The following NXN variants were observed in gnomAD, a reference collection of about 807,000 sequenced individuals.
The protein encoded by NXN is nucleoredoxin, also known as nucleoredoxin 1.
NXN carries 16 observed loss-of-function variants against 48.6 expected under a neutral mutation model. The ratio of observed to expected loss-of-function variants is 0.33; its 90% CI spans 0.22 to 0.50. The LOEUF (loss-of-function observed/expected upper bound fraction) is 0.50. Ranked by LOEUF, NXN falls within the 20% of genes least tolerant of loss-of-function variation. The probability of loss-of-function intolerance (pLI) is 0.98; values close to 1 mark genes in which losing one functional copy is unlikely to be tolerated. For synonymous variants in NXN, 281 were observed against 269.6 expected (o/e 1.04, Z -0.41); for missense variants, 492 against 605.5 (o/e 0.81, Z 1.97).
intron 1 of NXN, among the ~76,000 whole-genome samples, chr17:877,307 C>T (rs916383342): frequency 1.3e-5 from 2 of 151,870 alleles, no homozygotes; most frequent in South Asian, 2.1e-4. Context: ...CCACCAAGCC[C>T]GGCTAATTTT....
Position 825,108 on chromosome 17 carries a change from G to A in NXN, c.478+853C>T, listed in dbSNP as rs2467262. Among the ~76,000 whole-genome samples the A allele has an allele frequency of 0.52, 78,585 of 151,672 alleles. 21,286 individuals are homozygous for A. Among genetic ancestry groups the A allele is most frequent in the African/African-American group, 0.68 (28,306 of 41,362 alleles). On this transcript the variant is annotated intron_variant, in intron 2 of 7. Transcript: ENST00000336868. This position sits in a 1 kb window ranked among gnomAD's most constrained non-coding sequence, Gnocchi z 4.1. The stretch of plus-strand genomic sequence containing the variant: ...TAGCTGGGTGTGGCGGTGCACGCCA[G>A]TAGTCCCAGCTACACGGGAGGATGA...
rs370388372 is a variant in NXN at position 862,385 on chromosome 17, G to A, written c.361-36307C>T. Among the ~76,000 whole-genome samples the A allele has an allele frequency of 5.3e-4, 80 of 152,340 alleles. 3 individuals carry two copies. In the South Asian group the frequency reaches 0.016, roughly 30 times the overall value. On this transcript the variant is annotated intron_variant, in intron 1 of 7. Coordinates refer to ENST00000336868, the MANE Select transcript of NXN (RefSeq NM_022463.5). ...ACATAAAAATAAAACTTAGGTGGGT[G>A]TGGTGGCCCATGCCTGTAGTCCCAG...
chr17:846,989 G>T (rs2067870058), intron 1 of NXN, among the ~76,000 whole-genome samples: 1 of 152,172 alleles, frequency 6.6e-6, no homozygotes, highest in East Asian at 1.9e-4. Flanking sequence ...TGGTAGATGA[G>T]GAATGTGACT....
intron 1 of NXN, among the ~76,000 whole-genome samples, chr17:976,949 A>G (rs955766283): frequency 2.6e-4 from 39 of 152,112 alleles, no homozygotes; most frequent in Admixed American, 1.4e-3. Context: ...TATTTTTAGT[A>G]GAGACGGGGT....
chr17:818,380 C>T (rs1272264556), intron 5 of NXN, among the ~76,000 whole-genome samples: 1 of 151,990 alleles, frequency 6.6e-6, no homozygotes, highest in African/African-American at 2.4e-5. Context: ...CCCTCACTAT[C>T]ACGCCTCTTT....
intron 1 of NXN, chr17:896,864 C>CGGGG: frequency 1.4e-6 from 1 of 712,434 alleles, no homozygotes; most frequent in Non-Finnish European, 2.1e-6. Flanking sequence ...ACCACCCGCC[C>CGGGG]CCGGCCCCTC....
intron 1 of NXN, among the ~76,000 whole-genome samples, chr17:880,895 C>T (rs916414552): frequency 6.6e-6 from 1 of 152,136 alleles, no homozygotes; most frequent in African/African-American, 2.4e-5. Context: ...GGAAGGCCTC[C>T]TCCGAAAATC....
chr17:853,718 T>C (rs1426791670), intron 1 of NXN, among the ~76,000 whole-genome samples: 6 of 96,968 alleles, frequency 6.2e-5, no homozygotes, highest in Non-Finnish European at 1.0e-4. Flanking sequence ...TATATATATA[T>C]ATATATTTTT....
intron 5 of NXN, among the ~76,000 whole-genome samples, chr17:810,723 C>G (rs1567811120): frequency 6.6e-6 from 1 of 152,102 alleles, no homozygotes; most frequent in African/African-American, 2.4e-5. Flanking sequence ...AACCCCGTCT[C>G]TACTAAAAAT....
chr17:929,063 GT>G (rs751165634), intron 1 of NXN, among the ~76,000 whole-genome samples: 1 of 152,198 alleles, frequency 6.6e-6, no homozygotes, highest in Non-Finnish European at 1.5e-5. Flanking sequence ...TTTGCCCAAT[GT>G]CAAGAAAAAT....
Position 825,938 on chromosome 17 carries a change from A to G in NXN, c.478+23T>C. 1 of 1,480,286 alleles carries G rather than the reference A, an allele frequency of 6.8e-7. No individual in the cohort carries two copies. The highest frequency in any genetic ancestry group is 9.4e-7 in the Non-Finnish European group (1 of 1,066,172). 91.7% of individuals were successfully genotyped at this position (1,480,286 alleles called of 1,614,324 possible). On this transcript the variant is annotated intron_variant, in intron 2 of 7. Transcript: ENST00000336868. The surrounding 1 kb of genome is among the most constrained non-coding windows in gnomAD (Gnocchi z 4.1). The stretch of plus-strand genomic sequence containing the variant: ...GGGAGGGCTGGGTAATAAGAGGACC[A>G]TATGCACGGGCTGAGGTTTTACCTT...
chr17:824,036 ATTTTT>A (rs11345667), intron 2 of NXN, among the ~76,000 whole-genome samples: 8 of 116,778 alleles, frequency 6.9e-5, no homozygotes, highest in Non-Finnish European at 3.4e-5. Context: ...TTCCAGGGAC[ATTTTT>A]TTTTTTTTTT....
intron 1 of NXN, 152 bp downstream of exon 1, chr17:979,167 G>A (rs1246706753): frequency 7.3e-5 from 17 of 234,016 alleles, no homozygotes; most frequent in South Asian, 1.4e-4. Context: ...CAGTGGGTCG[G>A]GGGGCGGGGG....
At chr17:951,175 TAAAAAAAA>T (rs59266525) in intron 1 of NXN, among the ~76,000 whole-genome samples, 3 of 56,770 alleles carry the variant, frequency 5.3e-5, no homozygotes, top group African/African-American at 1.2e-4. Flanking sequence ...TGTCTCTACT[TAAAAAAAA>T]AAAAAAAAAA....
At chr17:916,624 A>C (rs2068690993) in intron 1 of NXN, among the ~76,000 whole-genome samples, 1 of 152,132 alleles carries the variant, frequency 6.6e-6, no homozygotes, top group African/African-American at 2.4e-5. Flanking sequence ...AGCACTCAGG[A>C]TTTTAACATT....
At chr17:814,414 G>T (rs1912354010) in intron 5 of NXN, among the ~76,000 whole-genome samples, 1 of 152,168 alleles carries the variant, frequency 6.6e-6, no homozygotes, top group African/African-American at 2.4e-5. Flanking sequence ...GGAAGATTCT[G>T]CTCCACGGAT....
chr17:861,215 C>T (rs376969135), intron 1 of NXN, among the ~76,000 whole-genome samples: 60 of 152,306 alleles, frequency 3.9e-4, no homozygotes, highest in Non-Finnish European at 6.8e-4. Flanking sequence ...CTCACTGCAA[C>T]CTCCGCCTCC....
At chr17:879,097 A>G (rs1025135835) in intron 1 of NXN, among the ~76,000 whole-genome samples, 1 of 151,780 alleles carries the variant, frequency 6.6e-6, no homozygotes. Flanking sequence ...CCCGGGAGGC[A>G]GAGGTTTTAG....
intron 1 of NXN, among the ~76,000 whole-genome samples, chr17:963,065 A>T (rs1467438740): frequency 6.6e-6 from 1 of 152,052 alleles, no homozygotes; most frequent in Non-Finnish European, 1.5e-5. Context: ...GAAATCATAC[A>T]AGGTTATCAG....
Sources: allele counts gnomAD v4.1 joint callset (sites outside exome capture counted in the v4.1 genomes callset), GRCh38; gene constraint gnomAD v4.1.1; non-coding constraint Gnocchi (gnomAD v3.1); transcripts MANE v1.5; gene names NCBI Gene and HGNC (gene_info 2026-07-23, HGNC 2026-07-21).